SLC12A3: variants seen among roughly 807,000 people sequenced by gnomAD.
SLC12A3 encodes the protein solute carrier family 12 member 3.
Under a neutral mutation model 121.0 loss-of-function variants are expected in SLC12A3, and 104 were observed. The ratio of observed to expected loss-of-function variants is 0.86; its 90% CI spans 0.73 to 1.01. The LOEUF (loss-of-function observed/expected upper bound fraction) is 1.01, where lower values mean the gene tolerates loss of function less well. SLC12A3 is among the 50% of genes least tolerant of loss of function. The pLI is 0.00. For missense variants in SLC12A3, 1,328 were observed against 1,356.3 expected (o/e 0.98, Z 0.33); for synonymous variants, 536 against 533.4 (o/e 1.00, Z -0.07).
intron 25 of SLC12A3, among the ~76,000 whole-genome samples, chr16:56,909,104 GTTTA>G (rs1296105304): frequency 6.6e-6 from 1 of 152,158 alleles, no homozygotes; most frequent in African/African-American, 2.4e-5. Flanking sequence ...GTGATTCTAA[GTTTA>G]TTTGTCATTA....
At chr16:56,880,017 C>T in intron 11 of SLC12A3, 113 bp from the exon 12 acceptor site, 1 of 1,333,168 alleles carries the variant, frequency 7.5e-7, no homozygotes, top group Non-Finnish European at 1.0e-6. Flanking sequence ...CACCAGGACC[C>T]AGGTTGGGGA....
intron 8 of SLC12A3, among the ~76,000 whole-genome samples, chr16:56,876,976 C>T (rs1262073483): frequency 6.6e-6 from 1 of 152,216 alleles, no homozygotes; most frequent in Non-Finnish European, 1.5e-5. Flanking sequence ...AGCTCTCTGC[C>T]CTCAGTTTCC....
At chr16:56,908,160 A>ATTTTTTTTTTTTTTTTTTTTT (rs2055632776) in intron 25 of SLC12A3, among the ~76,000 whole-genome samples, 1 of 91,404 alleles carries the variant, frequency 1.1e-5, no homozygotes, top group Non-Finnish European at 2.1e-5. Context: ...TAGTGATATA[A>ATTTTTTTTTTTTTTTTTTTTT]CTTTTTTTTT....
rs1451155656 is a variant in SLC12A3, at chr16:56,889,205, G to A, written c.2286-1069G>A. 1.1e-4 allele frequency among the ~76,000 whole-genome samples: 16 copies of A among 152,306 alleles called. No homozygotes were observed. The East Asian group carries it at 2.3e-3, about 22-fold the overall frequency. On this transcript the variant is annotated intron_variant, in intron 18 of 25. Coordinates refer to ENST00000563236, the MANE Select transcript of SLC12A3 (RefSeq NM_001126108.2). ...ATGCTGTTAACCAGCTGTAGGACTC[G>A]GAGCAATCCTCTCAGCAGGTGCTAA...
At chr16:56,910,417 C>T (rs941406042) in intron 25 of SLC12A3, among the ~76,000 whole-genome samples, 2 of 152,178 alleles carry the variant, frequency 1.3e-5, no homozygotes, top group African/African-American at 4.8e-5. Flanking sequence ...CTCACTGCAA[C>T]CCCCACCTCC....
intron 8 of SLC12A3, among the ~76,000 whole-genome samples, chr16:56,876,576 A>G (rs1225661284): frequency 1.3e-5 from 2 of 152,174 alleles, no homozygotes; most frequent in Non-Finnish European, 2.9e-5. Flanking sequence ...CACAGAGGGC[A>G]CTTGGCCAAG....
intron 6 of SLC12A3, among the ~76,000 whole-genome samples, chr16:56,871,381 C>T (rs2055094717): frequency 1.3e-5 from 2 of 152,222 alleles, no homozygotes; most frequent in African/African-American, 2.4e-5. Context: ...GTTTCACTAT[C>T]GCTGTCACAC....
At chr16:56,913,210 G>A (rs748679263) in intron 25 of SLC12A3, 54 bp from the exon 26 acceptor site, 52 of 1,612,204 alleles carry the variant, frequency 3.2e-5, no homozygotes, top group Middle Eastern at 1.7e-4. Flanking sequence ...GGAGCTGGGC[G>A]TGTGGAGCGG....
intron 13 of SLC12A3, among the ~76,000 whole-genome samples, chr16:56,883,279 CTTTTTT>C (rs71152216): frequency 2.5e-5 from 3 of 119,538 alleles, no homozygotes; most frequent in Admixed American, 9.5e-5. Flanking sequence ...CTTTTTCTTT[CTTTTTT>C]TTTTTTTTTT....
chr16:56,878,099 A>G lies in SLC12A3; in HGVS notation c.1118A>G (p.Lys373Arg), dbSNP rs772602252. ...CAGGACCCTGCTATAGCCATCCCCA[A>G]GGGGACCCTCATGGCCATTTTCTGG... ...DLKDPAIAIP[K>R]GTLMAIFWTT... The change falls in exon 9 of 26, where the codon AAG becomes AGG. Residue 373 changes from lysine to arginine, a missense_variant. Transcript: ENST00000563236. The G allele has an allele frequency of 4.7e-6, 7 of 1,476,142 alleles. No homozygotes were observed. Among genetic ancestry groups the G allele is most frequent in the Non-Finnish European group, 6.3e-6 (7 of 1,105,200 alleles). 91.4% of individuals were successfully genotyped at this position (1,476,142 alleles called of 1,614,324 possible). A position where few individuals can be genotyped will look rare whatever the true frequency, so the allele number is the denominator to read the frequency against.
chr16:56,904,375 C>G lies in SLC12A3; in HGVS notation c.2857-20C>G. ...ACCTCGATGATATGGGAAGTGACCA[C>G]TCGGCTTTCTCCCGCCCAGTCCCTT... is the stretch of plus-strand genomic sequence containing the variant. On this transcript the variant is annotated intron_variant, in intron 24 of 25. Transcript: ENST00000563236. 6.2e-7 allele frequency: 1 copy of G among 1,613,200 alleles called. No homozygotes were observed. The highest frequency in any genetic ancestry group is 8.5e-7 in the Non-Finnish European group (1 of 1,179,178).
rs1555499734 is a variant in SLC12A3, at chr16:56,872,439, C to T, written c.941C>T (p.Ser314Phe). Residue 314 changes from serine (S) to phenylalanine (F), a missense_variant, in exon 7 of 26, where the codon TCC becomes TTC. By Grantham distance (155) the Ser-to-Phe change is radical (BLOSUM62 -2). Transcript: ENST00000563236. The stretch of plus-strand genomic sequence containing the variant: ...ATCCCCCCATCTGAGGACAAGGCCT[C>T]CAAAGGCTTCTTCAGCTACCGGGGT... ...TLIPPSEDKA[S>F]KGFFSYRADI... 6.2e-7 allele frequency: 1 copy of T among 1,614,032 alleles called. No homozygotes were observed. The highest frequency in any genetic ancestry group is 8.5e-7 in the Non-Finnish European group (1 of 1,179,944).
Position 56,887,087 on chromosome 16 carries a change from C to T in SLC12A3, c.2172C>T (p.Leu724=), listed in dbSNP as rs201038360. The change falls in exon 17 of 26, where the codon CTC becomes CTT. Residue 724 remains leucine, a synonymous_variant. Coordinates refer to ENST00000563236, the MANE Select transcript of SLC12A3 (RefSeq NM_001126108.2). ...ACCTCCGCAGAGGCGTCCAGATCCTCATGCAGGTGCCATGGACTGGGGGCT... is the reference window on the plus strand; with the variant it reads ...ACCTCCGCAGAGGCGTCCAGATCCTTATGCAGGTGCCATGGACTGGGGGCT... ...AEDLRRGVQI[L]MQAAGLGRMK... is the part of the protein sequence containing the mutation. The T allele has an allele frequency of 2.2e-5, 36 of 1,613,832 alleles. No homozygotes were observed. The highest frequency in any genetic ancestry group is 2.6e-5 in the Non-Finnish European group (31 of 1,180,040).
intron 2 of SLC12A3, 24 bp from the exon 3 acceptor site, chr16:56,868,273 C>A (rs749394453): frequency 1.8e-5 from 29 of 1,611,788 alleles, no homozygotes; most frequent in Non-Finnish European, 2.3e-5. Flanking sequence ...ACCCAGGTGG[C>A]CTCTGACCCC....
chr16:56,867,191 G>T lies in SLC12A3; in HGVS notation c.404G>T (p.Arg135Leu), dbSNP rs769047841. The T allele has an allele frequency of 8.1e-6, 13 of 1,612,438 alleles. No individual in the cohort carries two copies. Among genetic ancestry groups the T allele is most frequent in the Non-Finnish European group, 1.1e-5 (13 of 1,179,538 alleles). Residue 135 changes from arginine (R) to leucine (L), a missense_variant, in exon 2 of 26, where the codon CGC (arginine) becomes CTC (leucine). By Grantham distance (102) the Arg-to-Leu change is moderately radical. Coordinates refer to ENST00000563236, the MANE Select transcript of SLC12A3 (RefSeq NM_001126108.2). Reference sequence around the variant, plus strand: ...GAGAAGAACCCCGAGGAGCCAGTGCGCTTCGGCTGGGTCAAGGGGGTGATG... The same window carrying T: ...GAGAAGAACCCCGAGGAGCCAGTGCTCTTCGGCTGGGTCAAGGGGGTGATG... ...SSEKNPEEPV[R>L]FGWVKGVMIR...
Position 56,885,273 on chromosome 16 carries a change from T to A in SLC12A3, c.1834T>A (p.Trp612Arg). 1 of 1,551,938 alleles carries A rather than the reference T, an allele frequency of 6.4e-7. No homozygotes were observed. Among genetic ancestry groups the A allele is most frequent in the Non-Finnish European group, 8.7e-7 (1 of 1,146,752 alleles). The change falls in exon 15 of 26, where the codon TGG (tryptophan) becomes AGG (arginine). Residue 612 changes from tryptophan (W) to arginine (R), a missense_variant. Trp to Arg is a moderately radical substitution (Grantham distance 101). Transcript: ENST00000563236. ...CTCCCTTGCTCTCCCAGAGGTAAATTGGGGCTCCTCGGTACAGGCTGGCTC... is the reference window on the plus strand; with the variant it reads ...CTCCCTTGCTCTCCCAGAGGTAAATAGGGGCTCCTCGGTACAGGCTGGCTC... ...YVIYKKPEVN[W>R]GSSVQAGSYN...
In SLC12A3 at chr16:56,865,285, G is replaced by GCGGGCGCTTCAC. The variant is rs1338856682; in HGVS notation, c.52_63dup (p.Gly18_Thr21dup). On this transcript the variant is annotated inframe_insertion, in exon 1 of 26. Transcript: ENST00000563236. ...ACGCCTGGGGACGCCACTTTGTGCAGCGGGCGCTTCACCATCAGCACACTG... is the reference window on the plus strand; with the variant it reads ...ACGCCTGGGGACGCCACTTTGTGCAGCGGGCGCTTCACCGGGCGCTTCACCATCAGCACACTG... The GCGGGCGCTTCAC allele has an allele frequency of 3.7e-6, 6 of 1,613,850 alleles. No homozygotes were observed. Among genetic ancestry groups the GCGGGCGCTTCAC allele is most frequent in the Non-Finnish European group, 4.2e-6 (5 of 1,180,052 alleles).
In SLC12A3 at chr16:56,905,898, C is replaced by T. The variant is rs77459221; in HGVS notation, c.2924+1436C>T. 4.0e-3 allele frequency among the ~76,000 whole-genome samples: 608 copies of T among 152,260 alleles called. 10 individuals are homozygous for T. Among genetic ancestry groups the T allele is most frequent in the African/African-American group, 0.014 (574 of 41,554 alleles). On this transcript the variant is annotated intron_variant, in intron 25 of 25. Coordinates refer to ENST00000563236, the MANE Select transcript of SLC12A3 (RefSeq NM_001126108.2). ...ATTTTTCAAACTTCACCTGTTTGAA[C>T]CCTTCTATAAATCTGCAAAATGCAT...
chr16:56,877,961 C>T (rs1452744925), intron 8 of SLC12A3, 116 bp from the exon 9 acceptor site: 3 of 666,970 alleles, frequency 4.5e-6, no homozygotes, highest in Non-Finnish European at 7.8e-6. Context: ...CCCCCAGCCT[C>T]AGCCTTAGAC....
Sources: gnomAD v4.1 joint callset for allele counts (sites outside exome capture counted in the v4.1 genomes callset) on GRCh38, gnomAD v4.1.1 for gene constraint, MANE v1.5 for transcripts, NCBI Gene and HGNC (gene_info 2026-07-23, HGNC 2026-07-21) for gene names.